The following RNF141 variants were observed in gnomAD, a reference collection of about 807,000 sequenced individuals.
RNF141 encodes ring finger protein 141.
A neutral mutation model predicts 27.4 loss-of-function variants in RNF141; 18 were observed. The ratio of observed to expected loss-of-function variants is 0.66; its 90% confidence interval spans 0.45 to 0.97. The LOEUF is 0.97. RNF141 is among the 50% of genes least tolerant of loss of function. The probability of loss-of-function intolerance (pLI) is 0.00; values close to 1 mark genes in which losing one functional copy is unlikely to be tolerated. For synonymous variants in RNF141, 97 were observed against 96.6 expected (o/e 1.00, Z -0.02); for missense variants, 230 against 279.4 (o/e 0.82, Z 1.26).
At chr11:10,533,360 T>A (rs1850005353) in intron 2 of RNF141, among the ~76,000 whole-genome samples, 1 of 152,084 alleles carries the variant, frequency 6.6e-6, no homozygotes, top group Non-Finnish European at 1.5e-5. Flanking sequence ...GGTGTACTCT[T>A]TAAGAAGGCA....
At chr11:10,525,468 G>T in intron 3 of RNF141, 95 bp from the exon 4 acceptor site, 2 of 895,598 alleles carry the variant, frequency 2.2e-6, no homozygotes, top group Non-Finnish European at 3.3e-6. Context: ...AAACATCCTA[G>T]GAAATAGGAG....
At chr11:10,517,674 A>G (rs1466108035) in intron 5 of RNF141, 5 of 152,202 alleles carry the variant, frequency 3.3e-5, no homozygotes, top group African/African-American at 1.2e-4. Context: ...CTCATTAGAA[A>G]CAATGCAAAC....
At chr11:10,531,299 C>T (rs773219043) in intron 2 of RNF141, among the ~76,000 whole-genome samples, 5 of 148,530 alleles carry the variant, frequency 3.4e-5, no homozygotes, top group East Asian at 2.0e-4. Context: ...TGCTTGAACA[C>T]GGGAGGTGAA....
At chr11:10,535,870 GA>G (rs1262134500) in intron 1 of RNF141, among the ~76,000 whole-genome samples, 1 of 152,194 alleles carries the variant, frequency 6.6e-6, no homozygotes, top group African/African-American at 2.4e-5. Flanking sequence ...CCAAACTTAT[GA>G]AAACATCATC....
intron 3 of RNF141, among the ~76,000 whole-genome samples, chr11:10,527,631 T>G (rs1168186938): frequency 7.9e-6 from 1 of 126,132 alleles, no homozygotes; most frequent in Admixed American, 8.7e-5. Context: ...TGATTCCAAG[T>G]GCATGAGAAG....
At chr11:10,537,104 C>T (rs2133977229) in intron 1 of RNF141, among the ~76,000 whole-genome samples, 1 of 152,274 alleles carries the variant, frequency 6.6e-6, no homozygotes, top group Middle Eastern at 3.4e-3. Flanking sequence ...AATGGGATGG[C>T]CACTAAGTAT....
chr11:10,531,319 G>A (rs149792857), intron 2 of RNF141, among the ~76,000 whole-genome samples: 1,750 of 148,228 alleles, frequency 0.012, 32 homozygotes, highest in African/African-American at 0.041. Context: ...AGGTTGTAGT[G>A]AGCCAAGATC....
chr11:10,534,126 C>G lies in RNF141; in HGVS notation c.33G>C (p.Leu11Phe). 1 of 1,613,376 alleles carries G rather than the reference C, an allele frequency of 6.2e-7. No homozygotes were observed. The highest frequency in any genetic ancestry group is 8.5e-7 in the Non-Finnish European group (1 of 1,179,572). The part of the protein sequence containing the change: MGQQISDQTQ[L>F]VINKLPEKVA... ...CTTTTTCTGGTAACTTGTTAATAAC[C>G]AACTGTGTCTGATCCGAAATTTGCT... The change falls in exon 2 of 6, where the codon TTG (leucine) becomes TTC (phenylalanine). Residue 11 changes from leucine (L) to phenylalanine (F), a missense_variant. Physicochemically the swap from Leu to Phe is conservative, Grantham distance 22 (BLOSUM62 0). Coordinates refer to ENST00000265981, the MANE Select transcript of RNF141 (RefSeq NM_016422.4).
intron 1 of RNF141, among the ~76,000 whole-genome samples, chr11:10,539,982 C>T (rs1850079593): frequency 6.6e-6 from 1 of 151,772 alleles, no homozygotes; most frequent in East Asian, 1.9e-4. Flanking sequence ...TAGTCATATT[C>T]TTGAGAAAAA....
At chr11:10,538,622 A>C (rs1451769405) in intron 1 of RNF141, among the ~76,000 whole-genome samples, 1 of 152,254 alleles carries the variant, frequency 6.6e-6, no homozygotes, top group Non-Finnish European at 1.5e-5. Context: ...CAGATACACA[A>C]GCACTCAATA....
At chr11:10,538,913 A>C (rs1448411144) in intron 1 of RNF141, among the ~76,000 whole-genome samples, 1 of 152,238 alleles carries the variant, frequency 6.6e-6, no homozygotes, top group Non-Finnish European at 1.5e-5. Flanking sequence ...CATAATTTGC[A>C]AACCACTGGC....
intron 2 of RNF141, chr11:10,532,040 TG>T (rs1849990937): frequency 2.2e-6 from 1 of 450,276 alleles, no homozygotes; most frequent in South Asian, 1.6e-5. Flanking sequence ...GGAAGACCTC[TG>T]TATCACACAG....
At chr11:10,533,398 T>A (rs1197242334) in intron 2 of RNF141, among the ~76,000 whole-genome samples, 1 of 152,028 alleles carries the variant, frequency 6.6e-6, no homozygotes, top group Admixed American at 6.6e-5. Flanking sequence ...TTTTAGAAAT[T>A]TAGTCAAAGA....
chr11:10,518,839 C>A, intron 5 of RNF141, 195 bp downstream of exon 5: 6 of 471,570 alleles, frequency 1.3e-5, no homozygotes, highest in South Asian at 7.0e-5. Context: ...TAAGGTACAC[C>A]CCCATATTTA....
intron 1 of RNF141, among the ~76,000 whole-genome samples, chr11:10,539,975 T>G (rs982933560): frequency 1.3e-5 from 2 of 151,834 alleles, no homozygotes; most frequent in African/African-American, 4.8e-5. Context: ...AAACATATAG[T>G]CATATTCTTG....
At chr11:10,537,089 C>T (rs183886541) in intron 1 of RNF141, among the ~76,000 whole-genome samples, 1 of 152,256 alleles carries the variant, frequency 6.6e-6, no homozygotes, top group Admixed American at 6.5e-5. Context: ...GATTCATTTA[C>T]AGAGAATGGG....
intron 1 of RNF141, among the ~76,000 whole-genome samples, chr11:10,535,716 AT>A (rs1850028710): frequency 6.6e-6 from 1 of 152,170 alleles, no homozygotes; most frequent in African/African-American, 2.4e-5. Flanking sequence ...CTTAACAAAA[AT>A]CTCAAAAAGA....
Position 10,514,762 on chromosome 11 carries a change from T to C in RNF141, c.*154A>G. The C allele has an allele frequency of 1.5e-6, 1 of 655,408 alleles. No homozygotes were observed. The highest frequency in any genetic ancestry group is 3.7e-5 in the South Asian group (1 of 26,668). The allele number at this position is 655,408 out of a possible 1,614,324, so 40.6% of individuals were successfully genotyped here. On this transcript the variant is annotated 3_prime_UTR_variant, in exon 6 of 6. Transcript: ENST00000265981. ...ACAAATGGAAGACATGGGAAGTTTA[T>C]TTTTAAAAGGGGGACAAATGATCAG...
chr11:10,526,395 T>C (rs895540100), intron 3 of RNF141, among the ~76,000 whole-genome samples: 1 of 152,212 alleles, frequency 6.6e-6, no homozygotes, highest in Non-Finnish European at 1.5e-5. Flanking sequence ...AATATTATTA[T>C]ACATTTGAAT....
Sources: gnomAD v4.1 joint callset for allele counts (sites outside exome capture counted in the v4.1 genomes callset) on GRCh38, gnomAD v4.1.1 for gene constraint, MANE v1.5 for transcripts, NCBI Gene and HGNC (gene_info 2026-07-23, HGNC 2026-07-21) for gene names.